Variants in CASK observed in about 807,000 individuals in gnomAD.
CASK encodes the protein calcium/calmodulin dependent serine protein kinase, also known as peripheral plasma membrane protein CASK.
A neutral mutation model predicts 82.9 loss-of-function variants in CASK; 4 were observed. That is an observed-to-expected ratio of 0.05 (90% CI 0.02 to 0.11). The LOEUF is 0.11. CASK is among the 10% of genes least tolerant of loss of function. The pLI, the probability that CASK is intolerant of heterozygous loss-of-function variation, is 1.00. For missense variants in CASK, 358 were observed against 720.9 expected (o/e 0.50, Z 5.76); for synonymous variants, 259 against 253.5 (o/e 1.02, Z -0.20).
At chrX:41,735,428 T>C (rs1479913957) in intron 5 of CASK, among the ~76,000 whole-genome samples, 1 of 112,014 alleles carries the variant, frequency 8.9e-6, no homozygotes, top group Non-Finnish European at 1.9e-5. Context: ...GTATTGTTCT[T>C]GAAGTTTTAC....
intron 5 of CASK, among the ~76,000 whole-genome samples, chrX:41,674,560 T>C (rs1013269262): frequency 1.8e-4 from 20 of 111,377 alleles, no homozygotes; most frequent in African/African-American, 6.2e-4. Context: ...CATTTTTTTC[T>C]AATCAATCTC....
intron 25 of CASK, chrX:41,524,476 T>C (rs1161697184): frequency 5.9e-6 from 1 of 169,288 alleles, no homozygotes; most frequent in Non-Finnish European, 1.1e-5. Context: ...AGCCAAGGAT[T>C]GCTAGCAAAT....
At chrX:41,816,861 C>T (rs1044219841) in intron 2 of CASK, among the ~76,000 whole-genome samples, 3 of 111,279 alleles carry the variant, frequency 2.7e-5, no homozygotes, top group East Asian at 2.8e-4. Flanking sequence ...AGTTAAAAAT[C>T]GTCCTTCAAA....
chrX:41,522,373 T>C (rs756730443), intron 26 of CASK: 1 of 112,191 alleles, frequency 8.9e-6, no homozygotes, highest in Non-Finnish European at 1.9e-5. Flanking sequence ...TTTACTGGCA[T>C]TTCAAAGCAG....
chrX:41,690,461 C>T (rs1288283352), intron 5 of CASK, among the ~76,000 whole-genome samples: 1 of 109,973 alleles, frequency 9.1e-6, no homozygotes, highest in African/African-American at 3.3e-5. Context: ...ATTCTCCAGC[C>T]TCAGCCTCCG....
In CASK at chrX:41,569,480, G is replaced by T. The variant is rs1018234603; in HGVS notation, c.1582+188C>A. ...GTATCCTTTATACTTTCTTAGCTGG[G>T]TGTGATGGCATGCACCTGTGGAAAG... On this transcript the variant is annotated intron_variant, in intron 16 of 26. Coordinates refer to ENST00000378163, the MANE Select transcript of CASK (RefSeq NM_001367721.1). Among the ~76,000 whole-genome samples, 3 of 111,249 alleles carry T rather than the reference G, an allele frequency of 2.7e-5. No homozygotes were observed. In the Admixed American group the frequency reaches 2.9e-4, roughly 11 times the overall value.
chrX:41,877,899 C>T (rs748787052), intron 1 of CASK, among the ~76,000 whole-genome samples: 2 of 110,132 alleles, frequency 1.8e-5, no homozygotes, highest in Non-Finnish European at 3.8e-5. Context: ...CAATGAATGC[C>T]GCTAAATTGT....
At chrX:41,710,701 A>G (rs1159788693) in intron 5 of CASK, among the ~76,000 whole-genome samples, 1 of 112,295 alleles carries the variant, frequency 8.9e-6, no homozygotes, top group Non-Finnish European at 1.9e-5. Flanking sequence ...AGGTAGTTTC[A>G]GGATGAGGCT....
chrX:41,760,771 C>T (rs2068985398), intron 3 of CASK, among the ~76,000 whole-genome samples: 1 of 111,379 alleles, frequency 9.0e-6, no homozygotes, highest in Non-Finnish European at 1.9e-5. Context: ...TTTTTAACTT[C>T]ATTAATTCAA....
chrX:41,830,769 G>A lies in CASK; in HGVS notation c.172+22346C>T, dbSNP rs1228567325. Among the ~76,000 whole-genome samples the A allele has an allele frequency of 7.1e-5, 7 of 98,635 alleles. No homozygotes were observed. The South Asian group carries it at 1.6e-3, about 22-fold the overall frequency. 85.7% of individuals were successfully genotyped at this position (98,635 alleles called of 115,157 possible). ...CAGGAGGCGGAGCTTGCAGTGAGCC[G>A]AGATCGCGCCACTGCACTCCAGCCT... On this transcript the variant is annotated intron_variant, in intron 2 of 26. Transcript: ENST00000378163.
chrX:41,716,351 C>T (rs747389485), intron 5 of CASK, among the ~76,000 whole-genome samples: 10 of 112,340 alleles, frequency 8.9e-5, no homozygotes, highest in Admixed American at 4.7e-4. Flanking sequence ...GATGAAAGCA[C>T]GAAGAGCTGC....
intron 2 of CASK, among the ~76,000 whole-genome samples, chrX:41,826,945 G>A (rs963926830): frequency 1.8e-5 from 2 of 111,724 alleles, no homozygotes; most frequent in South Asian, 3.7e-4. Context: ...GGAACCCATC[G>A]TTTTCAATGT....
chrX:41,825,790 T>C (rs905386563), intron 2 of CASK, among the ~76,000 whole-genome samples: 1 of 112,255 alleles, frequency 8.9e-6, no homozygotes, highest in Non-Finnish European at 1.9e-5. Flanking sequence ...ACTACCTGTT[T>C]CCTTATATTA....
chrX:41,900,839 A>T (rs2072364801), intron 1 of CASK, among the ~76,000 whole-genome samples: 1 of 95,058 alleles, frequency 1.1e-5, no homozygotes, highest in African/African-American at 4.1e-5. Flanking sequence ...TCTGCCTCCC[A>T]GGTTCAAGCA....
intron 2 of CASK, among the ~76,000 whole-genome samples, chrX:41,839,718 T>C (rs1244571300): frequency 9.0e-6 from 1 of 111,568 alleles, no homozygotes; most frequent in Non-Finnish European, 1.9e-5. Context: ...GCCTTATTCC[T>C]GGTCTTAGGG....
chrX:41,843,211 A>G (rs1208512014), intron 2 of CASK, among the ~76,000 whole-genome samples: 1 of 112,196 alleles, frequency 8.9e-6, no homozygotes, highest in African/African-American at 3.2e-5. Flanking sequence ...TTGAATAAAC[A>G]TGTTGAGAAC....
Position 41,857,144 on chromosome X carries a change from C to T in CASK, c.60-3917G>A, listed in dbSNP as rs12116328. 7.2e-3 allele frequency among the ~76,000 whole-genome samples: 802 copies of T among 111,045 alleles called. 9 individuals are homozygous for T. The highest frequency in any genetic ancestry group is 0.025 in the African/African-American group (754 of 30,502). ...GGAGCTCTCTTAATCAGCTTTGAGGCCCTCTATTATAGGGTTTCCAATATC... is the reference window on the plus strand; with the variant it reads ...GGAGCTCTCTTAATCAGCTTTGAGGTCCTCTATTATAGGGTTTCCAATATC... On this transcript the variant is annotated intron_variant, in intron 1 of 26. Coordinates refer to ENST00000378163, the MANE Select transcript of CASK (RefSeq NM_001367721.1).
chrX:41,815,526 T>TA (rs749836129), intron 2 of CASK, among the ~76,000 whole-genome samples: 6 of 111,006 alleles, frequency 5.4e-5, no homozygotes, highest in Admixed American at 4.8e-4. Flanking sequence ...CTTCTAGAAT[T>TA]AAAAAAATAT....
Position 41,648,889 on chromosome X carries a change from C to CT in CASK, c.831+11549dup, listed in dbSNP as rs2066811734. On this transcript the variant is annotated intron_variant, in intron 8 of 26. Coordinates refer to ENST00000378163, the MANE Select transcript of CASK (RefSeq NM_001367721.1). ...GGCTGTGAATCCATCTGGTCCTGGA[C>CT]TTTTTTGCTTGGTAGGCTATTAATT... 2.7e-5 allele frequency among the ~76,000 whole-genome samples: 3 copies of CT among 111,357 alleles called. No individual in the cohort carries two copies. In the Admixed American group the frequency reaches 2.9e-4, roughly 11 times the overall value.
Sources: gnomAD v4.1 joint callset for allele counts (sites outside exome capture counted in the v4.1 genomes callset) on GRCh38, gnomAD v4.1.1 for gene constraint, MANE v1.5 for transcripts, NCBI Gene and HGNC (gene_info 2026-07-23, HGNC 2026-07-21) for gene names.